Variants in CPSF6 observed in about 807,000 individuals in gnomAD.
CPSF6 encodes cleavage and polyadenylation specific factor 6.
A neutral mutation model predicts 56.7 loss-of-function variants in CPSF6; 10 were observed. That is an observed-to-expected ratio of 0.18 (90% CI 0.11 to 0.30). CPSF6 has a LOEUF of 0.30. Ranked by LOEUF, CPSF6 falls within the 10% of genes least tolerant of loss-of-function variation. CPSF6 has a pLI of 1.00. For missense variants in CPSF6, 419 were observed against 722.9 expected (o/e 0.58, Z 4.82); for synonymous variants, 248 against 244.8 (o/e 1.01, Z -0.12).
chr12:69,255,790 G>A (rs1172590755), intron 3 of CPSF6, among the ~76,000 whole-genome samples: 1 of 152,096 alleles, frequency 6.6e-6, no homozygotes, highest in Admixed American at 6.5e-5. Context: ...TCCTGCCTTG[G>A]CCTCCCAAAG....
chr12:69,239,603 C>T lies in CPSF6; in HGVS notation c.-44C>T, dbSNP rs1021092364. 2.1e-5 allele frequency: 32 copies of T among 1,534,236 alleles called. No homozygotes were observed. The highest frequency in any genetic ancestry group is 2.8e-5 in the Non-Finnish European group (32 of 1,143,306). On this transcript the variant is annotated 5_prime_UTR_variant, in exon 1 of 10. Transcript: ENST00000435070. ...GCTGCTGCTGCCGCGGCGGGCAGAC[C>T]TGCAGGAGGCGGCGGCGGCGGCGGC... is the stretch of plus-strand genomic sequence containing the variant.
chr12:69,260,311 C>A (rs2120583590), intron 8 of CPSF6, 114 bp downstream of exon 8: 4 of 758,280 alleles, frequency 5.3e-6, no homozygotes, highest in South Asian at 2.0e-5. Flanking sequence ...TATTTAGCAG[C>A]TGGAGTGGTT....
At chr12:69,261,676 C>T (rs192453586) in intron 8 of CPSF6, among the ~76,000 whole-genome samples, 23 of 152,220 alleles carry the variant, frequency 1.5e-4, no homozygotes, top group Admixed American at 1.1e-3. Context: ...AATATTATTT[C>T]GTAGACAGTT....
intron 1 of CPSF6, among the ~76,000 whole-genome samples, chr12:69,247,234 A>G (rs1871957230): frequency 6.6e-6 from 1 of 152,170 alleles, no homozygotes; most frequent in African/African-American, 2.4e-5. Context: ...TTTGCCATCC[A>G]TTTTCTCTGG....
Position 69,260,143 on chromosome 12 carries a change from C to T in CPSF6, c.1415C>T (p.Ser472Phe), listed in dbSNP as rs1185033229. ...ADDRCKVLISSLQDCLHGIES... is the reference protein window; with the variant it reads ...ADDRCKVLISFLQDCLHGIES... ...GATCGTTGCAAAGTTCTTATTAGTT[C>T]TTTGCAAGATTGCCTTCATGGAATT... Residue 472 changes from serine to phenylalanine, a missense_variant, in exon 8 of 10, where the codon TCT (serine) becomes TTT (phenylalanine). Coordinates refer to ENST00000435070, the MANE Select transcript of CPSF6 (RefSeq NM_007007.3). The T allele has an allele frequency of 6.2e-7, 1 of 1,613,138 alleles. No homozygotes were observed. Among genetic ancestry groups the T allele is most frequent in the Non-Finnish European group, 8.5e-7 (1 of 1,179,652 alleles).
intron 8 of CPSF6, among the ~76,000 whole-genome samples, chr12:69,261,588 T>G (rs556732435): frequency 6.7e-6 from 1 of 150,086 alleles, no homozygotes; most frequent in South Asian, 2.1e-4. Context: ...AACAAAGTAA[T>G]AACTTAGGCC....
At chr12:69,252,623 C>G (rs1224454744) in intron 2 of CPSF6, among the ~76,000 whole-genome samples, 1 of 152,146 alleles carries the variant, frequency 6.6e-6, no homozygotes, top group Non-Finnish European at 1.5e-5. Flanking sequence ...TTAGTTGATA[C>G]ATAAAGTATA....
At chr12:69,253,791 C>A (rs1007850001) in intron 3 of CPSF6, among the ~76,000 whole-genome samples, 2 of 152,006 alleles carry the variant, frequency 1.3e-5, no homozygotes, top group African/African-American at 4.8e-5. Context: ...TTGCATCATA[C>A]CTGGTATGCT....
chr12:69,267,408 A>T (rs1482884039), intron 9 of CPSF6, among the ~76,000 whole-genome samples: 1 of 151,522 alleles, frequency 6.6e-6, no homozygotes, highest in African/African-American at 2.4e-5. Context: ...TCCATTTATC[A>T]TCTTAGTTGT....
chr12:69,247,585 G>A (rs563776866), intron 1 of CPSF6, among the ~76,000 whole-genome samples: 11 of 152,122 alleles, frequency 7.2e-5, no homozygotes, highest in South Asian at 2.1e-4. Context: ...AAATGATACC[G>A]TGAAATATTT....
At chr12:69,250,465 T>C (rs975287687) in intron 1 of CPSF6, among the ~76,000 whole-genome samples, 2 of 151,596 alleles carry the variant, frequency 1.3e-5, no homozygotes, top group Admixed American at 6.6e-5. Context: ...GGTTTCGTTA[T>C]ATAGAAATTA....
chr12:69,254,643 G>T (rs1425491271), intron 3 of CPSF6, among the ~76,000 whole-genome samples: 1 of 152,148 alleles, frequency 6.6e-6, no homozygotes, highest in East Asian at 1.9e-4. Flanking sequence ...ATAAGAAGTG[G>T]TGCTTAATAA....
In CPSF6 at chr12:69,239,642, G is replaced by A. The variant is rs746958338; in HGVS notation, c.-5G>A. ...GGCGGCGGCGGCGGCCGAGGCTGAA[G>A]GAAGATGGCGGACGGCGTGGACCAC... On this transcript the variant is annotated 5_prime_UTR_variant, in exon 1 of 10. Coordinates refer to ENST00000435070, the MANE Select transcript of CPSF6 (RefSeq NM_007007.3). The A allele has an allele frequency of 4.4e-6, 7 of 1,574,336 alleles. No homozygotes were observed. Among genetic ancestry groups the A allele is most frequent in the Non-Finnish European group, 6.0e-6 (7 of 1,162,098 alleles).
chr12:69,267,931 A>G (rs1020214431), intron 9 of CPSF6, among the ~76,000 whole-genome samples: 3 of 151,836 alleles, frequency 2.0e-5, no homozygotes, highest in Admixed American at 6.6e-5. Flanking sequence ...GATGCAGTGT[A>G]TGTGATATGT....
At chr12:69,241,573 A>T (rs968813390) in intron 1 of CPSF6, among the ~76,000 whole-genome samples, 2 of 152,196 alleles carry the variant, frequency 1.3e-5, no homozygotes, top group Non-Finnish European at 2.9e-5. Flanking sequence ...AGGCTTTTGC[A>T]TACTTAATTT....
At chr12:69,248,689 TG>T (rs1331184144) in intron 1 of CPSF6, among the ~76,000 whole-genome samples, 3 of 152,214 alleles carry the variant, frequency 2.0e-5, no homozygotes, top group African/African-American at 7.2e-5. Context: ...CATTATTCAG[TG>T]ACTTGTGGTC....
At position 69,239,610 on chromosome 12, in the gene CPSF6, A is replaced by AGGCGGCGGCGGCGGC. The variant is rs574075893; in HGVS notation, c.-30_-16dup. The stretch of plus-strand genomic sequence containing the variant: ...CTGCCGCGGCGGGCAGACCTGCAGG[A>AGGCGGCGGCGGCGGC]GGCGGCGGCGGCGGCGGCGGCCGAG... On this transcript the variant is annotated 5_prime_UTR_variant, in exon 1 of 10. Coordinates refer to ENST00000435070, the MANE Select transcript of CPSF6 (RefSeq NM_007007.3). The AGGCGGCGGCGGCGGC allele has an allele frequency of 1.2e-5, 17 of 1,472,128 alleles. No homozygotes were observed. Among genetic ancestry groups the AGGCGGCGGCGGCGGC allele is most frequent in the Admixed American group, 4.1e-5 (2 of 48,964 alleles). The allele number at this position is 1,472,128 out of a possible 1,614,324, so 91.2% of individuals were successfully genotyped here.
In CPSF6 at chr12:69,260,201, A is replaced by C. The variant is rs532536120; in HGVS notation, c.1469+4A>C. ...AGTCTTATGGTTCTGGATCAAGGTA[A>C]AACTTTCCTGTCTCATTTCCATTTA... On this transcript the variant is annotated splice_donor_region_variant and intron_variant, in intron 8 of 9. Transcript: ENST00000435070. 2.4e-5 allele frequency: 37 copies of C among 1,567,672 alleles called. No individual in the cohort carries two copies. In the South Asian group the frequency reaches 4.1e-4, roughly 17 times the overall value.
chr12:69,259,208 G>A (rs1426079518), intron 6 of CPSF6, 114 bp downstream of exon 6: 3 of 1,300,944 alleles, frequency 2.3e-6, no homozygotes, highest in African/African-American at 3.0e-5. Flanking sequence ...AGAAGATGAG[G>A]TGTTTAAGCT....
Sources: allele counts gnomAD v4.1 joint callset (sites outside exome capture counted in the v4.1 genomes callset), GRCh38; gene constraint gnomAD v4.1.1; transcripts MANE v1.5; gene names NCBI Gene and HGNC (gene_info 2026-07-23, HGNC 2026-07-21).